FMN1: variants seen among roughly 807,000 people sequenced by gnomAD.
The protein encoded by FMN1 is formin-1.
FMN1 carries 110 observed loss-of-function variants against 132.4 expected under a neutral mutation model. The ratio of observed to expected loss-of-function variants is 0.83; its 90% CI spans 0.71 to 0.97. The LOEUF is 0.97. Among genes scored for constraint, FMN1 ranks in the 50% least tolerant of loss-of-function variants. FMN1 has a pLI of 0.00. For synonymous variants in FMN1, 722 were observed against 651.7 expected, an observed-to-expected ratio of 1.11 and a Z score of -1.64; for missense variants, 1,792 against 1,705.3, an observed-to-expected ratio of 1.05 and a Z score of -0.90.
chr15:32,983,491 ATTTT>A (rs1365392347), intron 7 of FMN1, among the ~76,000 whole-genome samples: 1 of 152,172 alleles, frequency 6.6e-6, no homozygotes, highest in African/African-American at 2.4e-5. Context: ...TAGAACAGCA[ATTTT>A]TTTATTACAT....
chr15:33,016,278 C>G (rs1221608557), intron 6 of FMN1, among the ~76,000 whole-genome samples: 1 of 152,164 alleles, frequency 6.6e-6, no homozygotes, highest in African/African-American at 2.4e-5. Context: ...GCTTCTCTGA[C>G]CATTTCTAAC....
chr15:32,794,481 G>A (rs968692272), intron 19 of FMN1, among the ~76,000 whole-genome samples: 8 of 151,944 alleles, frequency 5.3e-5, no homozygotes, highest in African/African-American at 9.7e-5. Flanking sequence ...GTGCATGCGC[G>A]GGCATATGTG....
intron 2 of FMN1, among the ~76,000 whole-genome samples, chr15:33,193,452 C>T (rs1966150142): frequency 6.6e-6 from 1 of 152,126 alleles, no homozygotes; most frequent in South Asian, 2.1e-4. Context: ...AATACACACG[C>T]AAGGGGGCAT....
intron 6 of FMN1, among the ~76,000 whole-genome samples, chr15:33,020,319 C>T (rs894842302): frequency 1.3e-5 from 2 of 151,878 alleles, no homozygotes; most frequent in African/African-American, 2.4e-5. Flanking sequence ...CTTGGGAAAC[C>T]GACCCCCCCA....
chr15:32,809,027 T>A (rs1274246161), intron 17 of FMN1, among the ~76,000 whole-genome samples: 1 of 151,262 alleles, frequency 6.6e-6, no homozygotes, highest in Non-Finnish European at 1.5e-5. Context: ...TCAGCTCATT[T>A]TGTTTTATTT....
intron 7 of FMN1, among the ~76,000 whole-genome samples, chr15:32,982,081 C>G (rs142949979): frequency 8.8e-4 from 134 of 152,174 alleles, no homozygotes; most frequent in African/African-American, 3.1e-3. Context: ...GGTAAAAGAT[C>G]TGAACAGATA....
At chr15:32,940,314 C>T (rs1031003563) in intron 9 of FMN1, among the ~76,000 whole-genome samples, 5 of 152,116 alleles carry the variant, frequency 3.3e-5, no homozygotes, top group South Asian at 4.2e-4. Context: ...ATTGTATCAA[C>T]GCTGAAAGGC....
Position 32,768,810 on chromosome 15 carries a change from T to C in FMN1, c.*5500A>G, listed in dbSNP as rs1405172335. 2 of 152,084 alleles carry C rather than the reference T, an allele frequency of 1.3e-5. No individual in the cohort carries two copies. The highest frequency in any genetic ancestry group is 1.3e-4 in the Admixed American group (2 of 15,258). 9.4% of individuals were successfully genotyped at this position (152,084 alleles called of 1,614,324 possible). A position where few individuals can be genotyped will look rare whatever the true frequency, so the allele number is the denominator to read the frequency against. On this transcript the variant is annotated 3_prime_UTR_variant, in exon 21 of 21. Transcript: ENST00000616417. ...TTAAAAATAGAAAATTACATAAGCGTAGAGGGAATGTAGAAAAATAAATTG... is the reference window on the plus strand; with the variant it reads ...TTAAAAATAGAAAATTACATAAGCGCAGAGGGAATGTAGAAAAATAAATTG...
chr15:33,182,405 G>A (rs954865212), intron 2 of FMN1, among the ~76,000 whole-genome samples: 1 of 152,184 alleles, frequency 6.6e-6, no homozygotes. Flanking sequence ...TTGCTCTTAA[G>A]CTGGCCTGGA....
intron 10 of FMN1, among the ~76,000 whole-genome samples, chr15:32,925,501 G>A (rs1449553530): frequency 6.6e-6 from 1 of 152,188 alleles, no homozygotes; most frequent in Non-Finnish European, 1.5e-5. Context: ...TACAAGACAA[G>A]TGACCTGGTT....
At chr15:32,992,235 C>A (rs375287170) in intron 7 of FMN1, among the ~76,000 whole-genome samples, 1 of 152,116 alleles carries the variant, frequency 6.6e-6, no homozygotes, top group Non-Finnish European at 1.5e-5. Context: ...TTTTCTAGAA[C>A]GTTGGAATTT....
At chr15:33,191,886 T>A (rs937677943) in intron 2 of FMN1, among the ~76,000 whole-genome samples, 1 of 152,172 alleles carries the variant, frequency 6.6e-6, no homozygotes, top group African/African-American at 2.4e-5. Context: ...GCAAATCAGA[T>A]TAACAGCTGT....
chr15:32,937,523 G>A (rs28661574), intron 9 of FMN1, among the ~76,000 whole-genome samples: 3,812 of 152,232 alleles, frequency 0.025, 66 homozygotes, highest in Non-Finnish European at 0.034. Flanking sequence ...ACAAGGATCC[G>A]GTATTTTCTA....
At chr15:33,100,305 G>C (rs1451745331) in intron 4 of FMN1, among the ~76,000 whole-genome samples, 1 of 149,828 alleles carries the variant, frequency 6.7e-6, no homozygotes, top group Non-Finnish European at 1.5e-5. Context: ...CTCAATAAAT[G>C]AATGTCCTCA....
Position 32,771,943 on chromosome 15 carries a change from A to G in FMN1, c.*2367T>C, listed in dbSNP as rs893021768. On this transcript the variant is annotated 3_prime_UTR_variant, in exon 21 of 21. Transcript: ENST00000616417. ...ACTTGGGAGGGGGCATCCCAGATAC[A>G]TGATGCAGGGTTCAGAATAGGTGAG... The G allele has an allele frequency of 3.3e-5, 5 of 152,236 alleles. No homozygotes were observed. Among genetic ancestry groups the G allele is most frequent in the Admixed American group, 3.3e-4 (5 of 15,278 alleles). 9.4% of individuals were successfully genotyped at this position (152,236 alleles called of 1,614,324 possible). A position where few individuals can be genotyped will look rare whatever the true frequency, so the allele number is the denominator to read the frequency against.
intron 9 of FMN1, among the ~76,000 whole-genome samples, chr15:32,940,807 C>T (rs1460118218): frequency 3.3e-5 from 5 of 152,132 alleles, no homozygotes; most frequent in Non-Finnish European, 7.3e-5. Flanking sequence ...ACAGAAAGGA[C>T]TCTTACCATT....
At chr15:33,103,182 C>T (rs980642244) in intron 4 of FMN1, among the ~76,000 whole-genome samples, 3 of 152,050 alleles carry the variant, frequency 2.0e-5, no homozygotes, top group Non-Finnish European at 4.4e-5. Flanking sequence ...GTGATAAGAT[C>T]TACTCTTTTT....
rs1046557958 is a variant in FMN1 at position 33,154,362 on chromosome 15, G to A, written c.553C>T (p.Arg185Ter). Residue 185 changes from arginine to a stop codon, truncating the protein, a stop_gained, in exon 4 of 21, where the codon CGA (arginine) becomes TGA (stop). Transcript: ENST00000616417. LOFTEE classifies it high-confidence loss of function. Reference sequence around the variant, plus strand: ...TTGCCCATCAGAGGAGCTGATTCTCGGCCTCCACGCCCTTTTCTTTTGGTC... The same window carrying A: ...TTGCCCATCAGAGGAGCTGATTCTCAGCCTCCACGCCCTTTTCTTTTGGTC... Reference protein sequence around the residue: ...KRTKRKGRGGRESAPLMGKDK... With the variant: ...KRTKRKGRGG 4 of 1,536,094 alleles carry A rather than the reference G, an allele frequency of 2.6e-6. No individual in the cohort carries two copies. Among genetic ancestry groups the A allele is most frequent in the South Asian group, 2.4e-5 (2 of 84,056 alleles).
chr15:33,064,758 ATTCATCT>A (rs1245688380), intron 6 of FMN1, 192 bp downstream of exon 6: 4 of 407,714 alleles, frequency 9.8e-6, no homozygotes, highest in East Asian at 4.2e-5. Flanking sequence ...ATTCCACTGC[ATTCATCT>A]TTCATCTTTC....
Sources: allele counts gnomAD v4.1 joint callset (sites outside exome capture counted in the v4.1 genomes callset), GRCh38; gene constraint gnomAD v4.1.1; transcripts MANE v1.5; gene names NCBI Gene and HGNC (gene_info 2026-07-23, HGNC 2026-07-21).